The following SCGB3A2 variants were observed in gnomAD, a reference collection of about 807,000 sequenced individuals.
SCGB3A2 encodes secretoglobin family 3A member 2.
Under a neutral mutation model 7.7 loss-of-function variants are expected in SCGB3A2, and 5 were observed. The ratio of observed to expected loss-of-function variants is 0.65; its 90% CI spans 0.34 to 1.36. SCGB3A2 has a LOEUF of 1.36. Ranked by LOEUF, SCGB3A2 falls within the 40% of genes most tolerant of loss-of-function variation. SCGB3A2 has a pLI of 0.04. For synonymous variants in SCGB3A2, 44 were observed against 42.7 expected (o/e 1.03, Z -0.12); for missense variants, 109 against 103.6 (o/e 1.05, Z -0.23).
At chr5:147,880,201 A>G (rs1471710509) in intron 1 of SCGB3A2, among the ~76,000 whole-genome samples, 1 of 152,174 alleles carries the variant, frequency 6.6e-6, no homozygotes, top group Non-Finnish European at 1.5e-5. Context: ...GTTTTTGTAA[A>G]AAATACATCG....
chr5:147,880,535 T>C (rs1757331151), intron 1 of SCGB3A2, among the ~76,000 whole-genome samples: 1 of 152,162 alleles, frequency 6.6e-6, no homozygotes, highest in Non-Finnish European at 1.5e-5. Context: ...CGTGCCTTTA[T>C]TGGTCATGTT....
chr5:147,878,857 T>G lies in SCGB3A2; in HGVS notation c.54T>G (p.Ser18=). 1 of 1,599,216 alleles carries G rather than the reference T, an allele frequency of 6.3e-7. No homozygotes were observed. Among genetic ancestry groups the G allele is most frequent in the South Asian group, 1.1e-5 (1 of 90,706 alleles). Residue 18 remains serine, a splice_region_variant and synonymous_variant, in exon 1 of 3, where the codon TCT becomes TCG. Transcript: ENST00000296694. ...LLVTISLCSY[S]ATAFLINKVP... ...TGACCATCAGCCTTTGTAGTTACTC[T>G]GGTAAGTAACTGGAATACATCTGGA...
chr5:147,881,979 G>T (rs548054595), intron 2 of SCGB3A2, 48 bp from the exon 3 acceptor site: 2 of 1,597,232 alleles, frequency 1.3e-6, no homozygotes, highest in South Asian at 1.1e-5. Flanking sequence ...TGAAACATGC[G>T]AATTACATGT....
intron 1 of SCGB3A2, chr5:147,881,194 G>T: frequency 6.7e-6 from 3 of 444,786 alleles, no homozygotes; most frequent in Non-Finnish European, 8.0e-6. Context: ...TATGGCCATT[G>T]CAGGCTTCTC....
chr5:147,881,099 T>G, intron 1 of SCGB3A2: 1 of 232,138 alleles, frequency 4.3e-6, no homozygotes, highest in Admixed American at 5.2e-5. Context: ...TCCATTCTAA[T>G]GAGAAAATAA....
At chr5:147,880,362 T>C (rs185049778) in intron 1 of SCGB3A2, among the ~76,000 whole-genome samples, 14 of 152,248 alleles carry the variant, frequency 9.2e-5, no homozygotes, top group Non-Finnish European at 2.1e-4. Context: ...CCAAACTCCT[T>C]TGTGTGACAT....
At chr5:147,878,951 G>T (rs1757303496) in intron 1 of SCGB3A2, 93 bp downstream of exon 1, 5 of 807,814 alleles carry the variant, frequency 6.2e-6, no homozygotes, top group Non-Finnish European at 1.1e-5. Context: ...ACTGACAGTG[G>T]AATATGGTGG....
intron 1 of SCGB3A2, among the ~76,000 whole-genome samples, chr5:147,880,538 G>C (rs1358721874): frequency 6.6e-6 from 1 of 152,070 alleles, no homozygotes; most frequent in Non-Finnish European, 1.5e-5. Flanking sequence ...GCCTTTATTG[G>C]TCATGTTTCT....
At chr5:147,880,271 T>G (rs73261378) in intron 1 of SCGB3A2, among the ~76,000 whole-genome samples, 28,589 of 152,104 alleles carry the variant, frequency 0.19, 3,133 homozygotes, top group Admixed American at 0.28. Flanking sequence ...GAAAGTTATC[T>G]TCCTAAAGCC....
chr5:147,881,328 A>G, intron 1 of SCGB3A2, 118 bp from the exon 2 acceptor site: 1 of 829,782 alleles, frequency 1.2e-6, no homozygotes, highest in African/African-American at 1.7e-5. Context: ...AGAAGTTTTC[A>G]ATGGAAGTAA....
At chr5:147,878,925 T>A in intron 1 of SCGB3A2, 67 bp downstream of exon 1, 1 of 1,138,372 alleles carries the variant, frequency 8.8e-7, no homozygotes, top group Non-Finnish European at 1.3e-6. Flanking sequence ...AGAGCACAAC[T>A]AGTAAGCCTT....
In SCGB3A2 at chr5:147,878,711, A is replaced by C. The variant is rs1290956430; in HGVS notation, c.-93A>C. 3.2e-6 allele frequency: 3 copies of C among 940,728 alleles called. No individual in the cohort carries two copies. Among genetic ancestry groups the C allele is most frequent in the Admixed American group, 1.7e-5 (1 of 58,828 alleles). The allele number at this position is 940,728 out of a possible 1,614,324, so 58.3% of individuals were successfully genotyped here. ...ATATGTGTGTGCAAAAGCAGCCATC[A>C]CACTTTGTATGGCAAGTGGAACCAC... On this transcript the variant is annotated 5_prime_UTR_variant, in exon 1 of 3. Transcript: ENST00000296694.
Position 147,881,497 on chromosome 5 carries a change from C to A in SCGB3A2, c.107C>A (p.Pro36His). Residue 36 changes from proline (P) to histidine (H), a missense_variant, in exon 2 of 3, where the codon CCT becomes CAT. By Grantham distance (77) the Pro-to-His change is moderately conservative. Coordinates refer to ENST00000296694, the MANE Select transcript of SCGB3A2 (RefSeq NM_054023.5). ...CCCCTTCCTGTTGACAAGTTGGCAC[C>A]TTTACCTCTGGACAACATTCTTCCC... ...KVPLPVDKLAPLPLDNILPFM... is the reference protein window; with the variant it reads ...KVPLPVDKLAHLPLDNILPFM... The A allele has an allele frequency of 5.0e-6, 8 of 1,614,056 alleles. No individual in the cohort carries two copies. The highest frequency in any genetic ancestry group is 6.8e-6 in the Non-Finnish European group (8 of 1,179,942).
intron 1 of SCGB3A2, 102 bp from the exon 2 acceptor site, chr5:147,881,344 G>A: frequency 1.1e-6 from 1 of 901,832 alleles, no homozygotes; most frequent in Middle Eastern, 2.3e-4. Context: ...AGTAAGATGA[G>A]TGGATCTGGA....
Position 147,882,122 on chromosome 5 carries a change from C to A in SCGB3A2, c.*72C>A. 1 of 1,462,486 alleles carries A rather than the reference C, an allele frequency of 6.8e-7. No homozygotes were observed. The highest frequency in any genetic ancestry group is 1.7e-5 in the Admixed American group (1 of 59,666). 90.6% of individuals were successfully genotyped at this position (1,462,486 alleles called of 1,614,324 possible). A position where few individuals can be genotyped will look rare whatever the true frequency, so the allele number is the denominator to read the frequency against. ...CTATCCTCCCTGCCTGAAACCTGTT[C>A]TACCAATTATAGATCAAATGCCCTA... On this transcript the variant is annotated 3_prime_UTR_variant, in exon 3 of 3. Transcript: ENST00000296694.
At chr5:147,879,381 A>G (rs761295754) in intron 1 of SCGB3A2, among the ~76,000 whole-genome samples, 4 of 152,218 alleles carry the variant, frequency 2.6e-5, no homozygotes, top group East Asian at 1.9e-4. Context: ...AATGGCTACA[A>G]TTTGTTGGGC....
intron 2 of SCGB3A2, 101 bp from the exon 3 acceptor site, chr5:147,881,926 A>G (rs1757355104): frequency 7.8e-7 from 1 of 1,276,700 alleles, no homozygotes; most frequent in Non-Finnish European, 1.1e-6. Flanking sequence ...TTTCCCCATC[A>G]GTAAAATAGT....
In SCGB3A2 at chr5:147,882,066, C is replaced by A. The variant is rs138922986; in HGVS notation, c.*16C>A. On this transcript the variant is annotated 3_prime_UTR_variant, in exon 3 of 3. Coordinates refer to ENST00000296694, the MANE Select transcript of SCGB3A2 (RefSeq NM_054023.5). The stretch of plus-strand genomic sequence containing the variant: ...CTTGGTGTGACATCAAGATAAAGAG[C>A]GGAGGTGGATGGGGATGGAAGATGA... The A allele has an allele frequency of 3.7e-6, 6 of 1,613,224 alleles. No individual in the cohort carries two copies. The Admixed American group carries it at 5.0e-5, about 13-fold the overall frequency.
chr5:147,878,751 T>C lies in SCGB3A2; in HGVS notation c.-53T>C. On this transcript the variant is annotated 5_prime_UTR_variant, in exon 1 of 3. Coordinates refer to ENST00000296694, the MANE Select transcript of SCGB3A2 (RefSeq NM_054023.5). ...AGTGGAACCACTGGCTTGGTGGATT[T>C]TGCTAGATTTTTCTGATTTTTAAAC... 7.0e-7 allele frequency: 1 copy of C among 1,435,706 alleles called. No homozygotes were observed. Among genetic ancestry groups the C allele is most frequent in the Non-Finnish European group, 9.8e-7 (1 of 1,017,378 alleles). 88.9% of individuals were successfully genotyped at this position (1,435,706 alleles called of 1,614,324 possible). A position where few individuals can be genotyped will look rare whatever the true frequency, so the allele number is the denominator to read the frequency against.
Sources: gnomAD v4.1 joint callset for allele counts (sites outside exome capture counted in the v4.1 genomes callset) on GRCh38, gnomAD v4.1.1 for gene constraint, MANE v1.5 for transcripts, NCBI Gene and HGNC (gene_info 2026-07-23, HGNC 2026-07-21) for gene names.